PLCL1: variants seen among roughly 807,000 people sequenced by gnomAD.
The protein encoded by PLCL1 is phospholipase C like 1 (inactive), also known as inactive phospholipase C-like protein 1.
PLCL1 carries 41 observed loss-of-function variants against 84.4 expected under a neutral mutation model. That is an observed-to-expected ratio of 0.49 (90% CI 0.38 to 0.63). The LOEUF is 0.63. Ranked by LOEUF, PLCL1 falls within the 30% of genes least tolerant of loss-of-function variation. PLCL1 has a pLI of 0.00. For synonymous variants in PLCL1, 490 were observed against 488.3 expected (o/e 1.00, Z -0.05); for missense variants, 1,206 against 1,367.8 (o/e 0.88, Z 1.87).
chr2:197,977,728 C>G (rs1340646463), intron 1 of PLCL1, among the ~76,000 whole-genome samples: 6 of 152,134 alleles, frequency 3.9e-5, no homozygotes, highest in Admixed American at 3.9e-4. Flanking sequence ...CTAGTGGGTC[C>G]CTGAAGTTCA....
intron 1 of PLCL1, among the ~76,000 whole-genome samples, chr2:197,867,843 T>C (rs998068101): frequency 6.6e-6 from 1 of 152,172 alleles, no homozygotes; most frequent in Admixed American, 6.6e-5. Flanking sequence ...CTGACTCTTG[T>C]GGTGATCTCA....
At chr2:198,080,636 C>G (rs1184661884) in intron 1 of PLCL1, among the ~76,000 whole-genome samples, 1 of 152,186 alleles carries the variant, frequency 6.6e-6, no homozygotes, top group Non-Finnish European at 1.5e-5. Flanking sequence ...GGAGAAATAT[C>G]AGACAACTGA....
At chr2:197,998,534 C>G (rs969135412) in intron 1 of PLCL1, among the ~76,000 whole-genome samples, 6 of 152,104 alleles carry the variant, frequency 3.9e-5, no homozygotes, top group Non-Finnish European at 8.8e-5. Context: ...TTATTGCCCA[C>G]TCGAACTACT....
At chr2:198,143,488 A>T (rs1044801282) in intron 5 of PLCL1, among the ~76,000 whole-genome samples, 1 of 152,130 alleles carries the variant, frequency 6.6e-6, no homozygotes, top group African/African-American at 2.4e-5. Context: ...CAGGACAAAG[A>T]CGTTTAGAGG....
At chr2:198,106,059 T>C (rs1291579174) in intron 5 of PLCL1, among the ~76,000 whole-genome samples, 2 of 151,940 alleles carry the variant, frequency 1.3e-5, no homozygotes, top group East Asian at 3.9e-4. Flanking sequence ...TTATGAGGTT[T>C]ATATGAATTA....
chr2:197,961,908 T>C (rs1463824938), intron 1 of PLCL1, among the ~76,000 whole-genome samples: 1 of 152,074 alleles, frequency 6.6e-6, no homozygotes, highest in Admixed American at 6.6e-5. Flanking sequence ...ATAAATGGAC[T>C]GGGAGGAAGG....
chr2:197,992,756 A>G (rs1440714622), intron 1 of PLCL1, among the ~76,000 whole-genome samples: 1 of 152,134 alleles, frequency 6.6e-6, no homozygotes. Flanking sequence ...TTCTGTTTCT[A>G]TGAATCTGAC....
intron 1 of PLCL1, among the ~76,000 whole-genome samples, chr2:197,886,760 T>C (rs1166751104): frequency 1.3e-5 from 2 of 152,178 alleles, no homozygotes; most frequent in African/African-American, 4.8e-5. Context: ...GGGTGGATAT[T>C]TGCATTTTGA....
chr2:198,010,600 A>C (rs1165848747), intron 1 of PLCL1, among the ~76,000 whole-genome samples: 1 of 151,858 alleles, frequency 6.6e-6, no homozygotes, highest in South Asian at 2.1e-4. Flanking sequence ...CATCAGACAT[A>C]TTGGTCTACA....
At chr2:197,866,122 A>ATAGTT (rs1559029493) in intron 1 of PLCL1, among the ~76,000 whole-genome samples, 3 of 41,572 alleles carry the variant, frequency 7.2e-5, no homozygotes, top group Admixed American at 2.4e-4. Flanking sequence ...ATATATATAT[A>ATAGTT]AACTATATAT....
At chr2:198,089,801 A>AC (rs1178420691) in intron 3 of PLCL1, among the ~76,000 whole-genome samples, 3 of 152,114 alleles carry the variant, frequency 2.0e-5, no homozygotes, top group Non-Finnish European at 4.4e-5. Context: ...CAATTCACTT[A>AC]CCCCCCACCC....
At chr2:197,924,061 C>A (rs1304205431) in intron 1 of PLCL1, among the ~76,000 whole-genome samples, 1 of 143,918 alleles carries the variant, frequency 6.9e-6, no homozygotes, top group South Asian at 2.5e-4. Flanking sequence ...GCAGGAGAAT[C>A]AGGCAGGGAG....
At chr2:198,026,983 A>T (rs1691282719) in intron 1 of PLCL1, among the ~76,000 whole-genome samples, 1 of 152,170 alleles carries the variant, frequency 6.6e-6, no homozygotes, top group Non-Finnish European at 1.5e-5. Context: ...TAAAAAAAGA[A>T]CTACTATATG....
intron 1 of PLCL1, among the ~76,000 whole-genome samples, chr2:197,889,951 C>T (rs1687984865): frequency 6.6e-6 from 1 of 152,156 alleles, no homozygotes. Flanking sequence ...CCCCATTCAT[C>T]TTTCTTATAG....
chr2:197,933,428 T>C (rs1056569926), intron 1 of PLCL1, among the ~76,000 whole-genome samples: 1 of 152,100 alleles, frequency 6.6e-6, no homozygotes, highest in African/African-American at 2.4e-5. Context: ...GACGCCCAGC[T>C]AATTTTTTGT....
At chr2:198,136,887 T>C (rs1241929193) in intron 5 of PLCL1, among the ~76,000 whole-genome samples, 1 of 152,160 alleles carries the variant, frequency 6.6e-6, no homozygotes, top group East Asian at 1.9e-4. Flanking sequence ...CTTTTGTATT[T>C]CAGTTTTCCG....
At chr2:197,966,173 C>T (rs944369864) in intron 1 of PLCL1, among the ~76,000 whole-genome samples, 3 of 151,728 alleles carry the variant, frequency 2.0e-5, no homozygotes, top group Non-Finnish European at 4.4e-5. Flanking sequence ...TTACTCTTCC[C>T]TCTCCACTCC....
At chr2:197,843,829 C>G (rs929020353) in intron 1 of PLCL1, among the ~76,000 whole-genome samples, 9 of 152,048 alleles carry the variant, frequency 5.9e-5, no homozygotes. Context: ...GAAACAGAAC[C>G]AAGGAACATT....
chr2:198,073,770 T>A (rs1331135146), intron 1 of PLCL1, among the ~76,000 whole-genome samples: 2 of 152,206 alleles, frequency 1.3e-5, no homozygotes, highest in African/African-American at 2.4e-5. Flanking sequence ...CAATACAGAC[T>A]TAATACAAAT....
Sources: allele counts gnomAD v4.1 joint callset (sites outside exome capture counted in the v4.1 genomes callset), GRCh38; gene constraint gnomAD v4.1.1; transcripts MANE v1.5; gene names NCBI Gene and HGNC (gene_info 2026-07-23, HGNC 2026-07-21).